The following NETO1 variants were observed in gnomAD, a reference collection of about 807,000 sequenced individuals.
NETO1 encodes neuropilin and tolloid-like protein 1.
Under a neutral mutation model 61.3 loss-of-function variants are expected in NETO1, and 26 were observed. The observed-to-expected ratio is 0.42, with a 90% CI of 0.31 to 0.59. The LOEUF (loss-of-function observed/expected upper bound fraction) is 0.59, where lower values mean the gene tolerates loss of function less well. Ranked by LOEUF, NETO1 falls within the 20% of genes least tolerant of loss-of-function variation. NETO1 has a pLI of 0.12. For synonymous variants in NETO1, 225 were observed against 225.8 expected (o/e 1.00, Z 0.03); for missense variants, 531 against 662.8 (o/e 0.80, Z 2.18).
chr18:72,758,607 T>C (rs530847361), intron 7 of NETO1, among the ~76,000 whole-genome samples: 161 of 152,130 alleles, frequency 1.1e-3, no homozygotes, highest in African/African-American at 3.6e-3. Context: ...GACTCTGAGG[T>C]GGGCGAATCA....
chr18:72,839,262 T>C (rs1194351393), intron 4 of NETO1, among the ~76,000 whole-genome samples: 1 of 152,190 alleles, frequency 6.6e-6, no homozygotes, highest in Non-Finnish European at 1.5e-5. Flanking sequence ...AAGAGTGGGT[T>C]TGGATATTAG....
At chr18:72,772,825 C>CTCTCTCTCTCTCTATATA (rs1568187563) in intron 7 of NETO1, among the ~76,000 whole-genome samples, 2 of 40,868 alleles carry the variant, frequency 4.9e-5, no homozygotes, top group African/African-American at 1.1e-4. Flanking sequence ...CTCTCTCTCT[C>CTCTCTCTCTCTCTATATA]TATATATATA....
At chr18:72,752,445 C>T (rs930738050) in intron 8 of NETO1, among the ~76,000 whole-genome samples, 1 of 152,230 alleles carries the variant, frequency 6.6e-6, no homozygotes, top group East Asian at 1.9e-4. Flanking sequence ...AAGTCCAAGG[C>T]GGTGGCCTCT....
intron 1 of NETO1, 139 bp from the exon 2 acceptor site, chr18:72,865,380 C>T (rs2074704758): frequency 1.8e-6 from 2 of 1,114,100 alleles, no homozygotes; most frequent in Non-Finnish European, 2.6e-6. Flanking sequence ...CGATTCAGAA[C>T]TTGCAAAAAC....
At chr18:72,839,836 T>G (rs2073868407) in intron 4 of NETO1, among the ~76,000 whole-genome samples, 2 of 152,108 alleles carry the variant, frequency 1.3e-5, no homozygotes, top group South Asian at 2.1e-4. Context: ...CAGCCCTTTG[T>G]ATTTACCATA....
chr18:72,761,222 G>A (rs571399376), intron 7 of NETO1, among the ~76,000 whole-genome samples: 1 of 152,242 alleles, frequency 6.6e-6, no homozygotes, highest in East Asian at 1.9e-4. Context: ...AAGACTACAC[G>A]AGAATGCATA....
At chr18:72,770,263 CATT>C (rs1243159122) in intron 7 of NETO1, among the ~76,000 whole-genome samples, 1 of 151,934 alleles carries the variant, frequency 6.6e-6, no homozygotes, top group Non-Finnish European at 1.5e-5. Context: ...TGAATATAAT[CATT>C]ATTTTTTATA....
chr18:72,777,123 G>A (rs1033760985), intron 7 of NETO1, among the ~76,000 whole-genome samples: 1 of 152,160 alleles, frequency 6.6e-6, no homozygotes, highest in South Asian at 2.1e-4. Flanking sequence ...TGAGGCTCAA[G>A]AATCATTTTC....
chr18:72,794,893 T>C (rs558110990), intron 4 of NETO1, among the ~76,000 whole-genome samples: 2 of 152,200 alleles, frequency 1.3e-5, no homozygotes, highest in African/African-American at 4.8e-5. Context: ...ACTAGAATAT[T>C]TGAAGCACAA....
chr18:72,765,360 T>C (rs1954000006), intron 7 of NETO1, among the ~76,000 whole-genome samples: 1 of 152,234 alleles, frequency 6.6e-6, no homozygotes, highest in South Asian at 2.1e-4. Flanking sequence ...CAACCAGATG[T>C]ACCACTTTGT....
At chr18:72,820,932 T>C (rs2073171933) in intron 4 of NETO1, among the ~76,000 whole-genome samples, 1 of 152,172 alleles carries the variant, frequency 6.6e-6, no homozygotes, top group African/African-American at 2.4e-5. Context: ...GTGAACCAAT[T>C]CCTCATAATA....
chr18:72,838,578 C>T lies in NETO1; in HGVS notation c.469+20248G>A, dbSNP rs182655514. On this transcript the variant is annotated intron_variant, in intron 4 of 10. Coordinates refer to ENST00000327305, the MANE Select transcript of NETO1 (RefSeq NM_138966.5). Reference sequence around the variant, plus strand: ...CCAGGCTCCTCCGCCCAGACTCCAGCCTGTGAAATTTTTCTAGTAAGAAGT... The same window carrying T: ...CCAGGCTCCTCCGCCCAGACTCCAGTCTGTGAAATTTTTCTAGTAAGAAGT... Among the ~76,000 whole-genome samples the T allele has an allele frequency of 9.8e-5, 15 of 152,320 alleles. No homozygotes were observed. In the East Asian group the frequency reaches 2.3e-3, roughly 24 times the overall value.
rs1398370485 is a variant in NETO1 at position 72,830,503 on chromosome 18, A to G, written c.469+28323T>C. Among the ~76,000 whole-genome samples, 2 of 152,204 alleles carry G rather than the reference A, an allele frequency of 1.3e-5. No individual in the cohort carries two copies. The highest frequency in any genetic ancestry group is 3.9e-4 in the East Asian group (2 of 5,192). ...AAAACAAACACAAATGACAAAAATA[A>G]CAATGATCATAAGGTCTGAGGGTTG... On this transcript the variant is annotated intron_variant, in intron 4 of 10. Coordinates refer to ENST00000327305, the MANE Select transcript of NETO1 (RefSeq NM_138966.5). This position sits in a 1 kb window ranked among gnomAD's most constrained non-coding sequence, Gnocchi z 4.9.
chr18:72,851,335 C>T lies in NETO1; in HGVS notation c.469+7491G>A, dbSNP rs1477699065. Among the ~76,000 whole-genome samples the T allele has an allele frequency of 5.9e-5, 9 of 151,452 alleles. No individual in the cohort carries two copies. In the East Asian group the frequency reaches 9.7e-4, roughly 16 times the overall value. ...CTGAGGCAGGAGAATTATGTGAACC[C>T]GGGAGAAGGAGGTTGTGGTGAGCTG... On this transcript the variant is annotated intron_variant, in intron 4 of 10. Coordinates refer to ENST00000327305, the MANE Select transcript of NETO1 (RefSeq NM_138966.5).
intron 4 of NETO1, among the ~76,000 whole-genome samples, chr18:72,815,947 T>C (rs1388425728): frequency 6.6e-6 from 1 of 152,140 alleles, no homozygotes; most frequent in Non-Finnish European, 1.5e-5. Flanking sequence ...CAACAGAATG[T>C]TGAAAATGTC....
chr18:72,845,518 C>A (rs955468524), intron 4 of NETO1, among the ~76,000 whole-genome samples: 29 of 151,678 alleles, frequency 1.9e-4, no homozygotes, highest in Non-Finnish European at 3.8e-4. Flanking sequence ...AAACTGAAGA[C>A]CTACACAAAT....
rs935097174 is a variant in NETO1 at position 72,747,601 on chromosome 18, T to C, written c.*578A>G. 5.3e-5 allele frequency: 8 copies of C among 152,174 alleles called. No homozygotes were observed. The highest frequency in any genetic ancestry group is 1.9e-4 in the African/African-American group (8 of 41,464). The allele number at this position is 152,174 out of a possible 1,614,324, so 9.4% of individuals were successfully genotyped here. A position where few individuals can be genotyped will look rare whatever the true frequency, so the allele number is the denominator to read the frequency against. Reference sequence around the variant, plus strand: ...TTTTATTGCAATCTAGTAATTTTACTTGTTACTTTTTCCTGTATTTAATCA... The same window carrying C: ...TTTTATTGCAATCTAGTAATTTTACCTGTTACTTTTTCCTGTATTTAATCA... On this transcript the variant is annotated 3_prime_UTR_variant, in exon 11 of 11. Coordinates refer to ENST00000327305, the MANE Select transcript of NETO1 (RefSeq NM_138966.5).
At chr18:72,773,414 C>G (rs2071441737) in intron 7 of NETO1, among the ~76,000 whole-genome samples, 1 of 152,148 alleles carries the variant, frequency 6.6e-6, no homozygotes, top group Non-Finnish European at 1.5e-5. Flanking sequence ...ATATCCCAGG[C>G]TATTCACAAG....
intron 4 of NETO1, among the ~76,000 whole-genome samples, chr18:72,847,137 G>C (rs1027419632): frequency 8.5e-5 from 13 of 152,174 alleles, no homozygotes; most frequent in Admixed American, 3.9e-4. Flanking sequence ...TTCTGATTTG[G>C]GGTATGATGA....
Sources: allele counts gnomAD v4.1 joint callset (sites outside exome capture counted in the v4.1 genomes callset), GRCh38; gene constraint gnomAD v4.1.1; non-coding constraint Gnocchi (gnomAD v3.1); transcripts MANE v1.5; gene names NCBI Gene and HGNC (gene_info 2026-07-23, HGNC 2026-07-21).